DPP6: variants seen among roughly 807,000 people sequenced by gnomAD.
DPP6 encodes dipeptidyl peptidase like 6, also known as A-type potassium channel modulatory protein DPP6.
Under a neutral mutation model 122.6 loss-of-function variants are expected in DPP6, and 69 were observed. That is an observed-to-expected ratio of 0.56 (90% CI 0.46 to 0.69). DPP6 has a LOEUF of 0.69. DPP6 is among the 30% of genes least tolerant of loss of function. The probability of loss-of-function intolerance (pLI) is 0.00; values close to 1 mark genes in which losing one functional copy is unlikely to be tolerated. For missense variants in DPP6, 928 were observed against 1,116.9 expected, an observed-to-expected ratio of 0.83 and a Z score of 2.41; for synonymous variants, 418 against 433.1, an observed-to-expected ratio of 0.97 and a Z score of 0.43.
chr7:154,117,050 A>C lies in DPP6; in HGVS notation c.243+63987A>C, dbSNP rs1807040662. On this transcript the variant is annotated intron_variant, in intron 1 of 25. Coordinates refer to ENST00000377770, the MANE Select transcript of DPP6 (RefSeq NM_130797.4). ...GGTTGAAACCCCTGGGAATGAATAC[A>C]TTCTCAACTAAAAATACAAATTAAA... 1.3e-5 allele frequency among the ~76,000 whole-genome samples: 2 copies of C among 151,946 alleles called. 1 individual carries two copies. Among genetic ancestry groups the C allele is most frequent in the South Asian group, 4.2e-4 (2 of 4,794 alleles).
chr7:154,619,901 G>A (rs768930198), intron 5 of DPP6, among the ~76,000 whole-genome samples: 13 of 152,190 alleles, frequency 8.5e-5, no homozygotes, highest in Non-Finnish European at 1.9e-4. Flanking sequence ...TGCAAACCAG[G>A]TACCTAGGAT....
rs182714607 is a variant in DPP6 at position 154,063,829 on chromosome 7, G to A, written c.243+10766G>A. On this transcript the variant is annotated intron_variant, in intron 1 of 25. Coordinates refer to ENST00000377770, the MANE Select transcript of DPP6 (RefSeq NM_130797.4). ...TCCTAGAAGAAAGTTCAAATCTTCC[G>A]ACGGCAAGTGCATGATAGTCTGCAT... Among the ~76,000 whole-genome samples the A allele has an allele frequency of 2.2e-3, 331 of 151,550 alleles. 1 individual carries two copies. The highest frequency in any genetic ancestry group is 1.7e-3 in the Non-Finnish European group (118 of 67,896).
intron 7 of DPP6, among the ~76,000 whole-genome samples, chr7:154,718,130 C>A (rs1841595848): frequency 6.6e-6 from 1 of 152,080 alleles, no homozygotes; most frequent in Non-Finnish European, 1.5e-5. Context: ...TGTTTGAGTT[C>A]CTTATGTATT....
At chr7:153,963,296 G>A (rs1795454016) in intron 1 of DPP6, among the ~76,000 whole-genome samples, 1 of 151,490 alleles carries the variant, frequency 6.6e-6, no homozygotes, top group South Asian at 2.1e-4. Flanking sequence ...CACCTGCCAC[G>A]TGCCAGGCAC....
chr7:154,649,450 T>C (rs1357765047), intron 6 of DPP6, among the ~76,000 whole-genome samples: 1 of 152,218 alleles, frequency 6.6e-6, no homozygotes. Context: ...GATTCTAAAG[T>C]GCCCAACTGT....
At chr7:153,916,205 C>T (rs1230200822) in intron 1 of DPP6, among the ~76,000 whole-genome samples, 1 of 151,958 alleles carries the variant, frequency 6.6e-6, no homozygotes, top group Non-Finnish European at 1.5e-5. Flanking sequence ...GATCTCCTGA[C>T]CTCTTGATCC....
chr7:154,632,290 G>A (rs1835452834), intron 5 of DPP6, among the ~76,000 whole-genome samples: 1 of 152,214 alleles, frequency 6.6e-6, no homozygotes, highest in Non-Finnish European at 1.5e-5. Flanking sequence ...TGACTTAACG[G>A]TAGCTTCTTT....
chr7:154,362,474 G>A (rs776505230), intron 1 of DPP6, among the ~76,000 whole-genome samples: 20 of 152,112 alleles, frequency 1.3e-4, no homozygotes, highest in Non-Finnish European at 2.2e-4. Flanking sequence ...GAATGCAGTG[G>A]CACCATCTTG....
At chr7:154,405,905 T>C (rs1431229655) in intron 1 of DPP6, among the ~76,000 whole-genome samples, 2 of 152,342 alleles carry the variant, frequency 1.3e-5, no homozygotes, top group African/African-American at 4.8e-5. Context: ...TACAAAAGCA[T>C]GCAGCAGTTT....
chr7:153,932,705 C>T (rs753312666), intron 1 of DPP6, among the ~76,000 whole-genome samples: 1 of 152,278 alleles, frequency 6.6e-6, no homozygotes, highest in East Asian at 1.9e-4. Flanking sequence ...ACAGAAAATA[C>T]AGAATGCATA....
chr7:154,315,951 A>G (rs1363895707), intron 1 of DPP6, among the ~76,000 whole-genome samples: 2 of 152,204 alleles, frequency 1.3e-5, no homozygotes, highest in Non-Finnish European at 2.9e-5. Flanking sequence ...TACTTGTTGT[A>G]TCTCTGACGC....
chr7:154,512,388 A>G (rs866768356), intron 3 of DPP6, among the ~76,000 whole-genome samples: 1 of 152,214 alleles, frequency 6.6e-6, no homozygotes, highest in Non-Finnish European at 1.5e-5. Flanking sequence ...TGACAGTATC[A>G]TTGATAATTC....
chr7:154,008,228 C>G (rs537119127), intron 1 of DPP6, among the ~76,000 whole-genome samples: 1 of 152,244 alleles, frequency 6.6e-6, no homozygotes, highest in South Asian at 2.1e-4. Flanking sequence ...GTCCACACCC[C>G]TGAGAAACAA....
At chr7:153,972,887 T>C (rs904683230) in intron 1 of DPP6, among the ~76,000 whole-genome samples, 25 of 152,010 alleles carry the variant, frequency 1.6e-4, no homozygotes, top group African/African-American at 1.7e-4. Context: ...TCACATAAAA[T>C]AGACCACGTG....
chr7:154,556,678 T>G (rs1202131983), intron 4 of DPP6, among the ~76,000 whole-genome samples: 1 of 152,100 alleles, frequency 6.6e-6, no homozygotes, highest in Non-Finnish European at 1.5e-5. Flanking sequence ...CATATATGAT[T>G]TTAAATTTTA....
chr7:153,895,180 A>G (rs1050406567), intron 1 of DPP6, among the ~76,000 whole-genome samples: 4 of 152,106 alleles, frequency 2.6e-5, no homozygotes, highest in African/African-American at 7.2e-5. Flanking sequence ...AAGATACTCT[A>G]TTATGTGTCT....
chr7:154,033,777 A>G (rs946058879), intron 1 of DPP6, among the ~76,000 whole-genome samples: 1 of 152,154 alleles, frequency 6.6e-6, no homozygotes, highest in African/African-American at 2.4e-5. Context: ...GGACCTTAAC[A>G]TGTATTCAAA....
intron 5 of DPP6, among the ~76,000 whole-genome samples, chr7:154,580,394 C>T (rs1831982792): frequency 1.3e-5 from 2 of 152,218 alleles, no homozygotes; most frequent in African/African-American, 2.4e-5. Flanking sequence ...GATACATCCA[C>T]GTCTTTGTGA....
chr7:153,913,895 T>C (rs967769069), intron 1 of DPP6, among the ~76,000 whole-genome samples: 5 of 152,342 alleles, frequency 3.3e-5, no homozygotes, highest in Middle Eastern at 3.4e-3. Context: ...TTGAAAATTA[T>C]ATAGTAGAAA....
Sources: allele counts gnomAD v4.1 joint callset (sites outside exome capture counted in the v4.1 genomes callset), GRCh38; gene constraint gnomAD v4.1.1; transcripts MANE v1.5; gene names NCBI Gene and HGNC (gene_info 2026-07-23, HGNC 2026-07-21).